NKD1: variants seen among roughly 807,000 people sequenced by gnomAD.
NKD1 encodes NKD inhibitor of Wnt signaling pathway 1.
In NKD1, 21 loss-of-function variants were observed where a neutral mutation model predicts 56.0. The ratio of observed to expected loss-of-function variants is 0.38; its 90% CI spans 0.27 to 0.54. NKD1 has a LOEUF of 0.54. Ranked by LOEUF, NKD1 falls within the 20% of genes least tolerant of loss-of-function variation. NKD1 has a pLI of 0.82. For synonymous variants in NKD1, 263 were observed against 265.7 expected (o/e 0.99, Z 0.10); for missense variants, 578 against 642.7 (o/e 0.90, Z 1.09).
chr16:50,593,386 A>C (rs1019792955), intron 3 of NKD1, among the ~76,000 whole-genome samples: 2 of 152,116 alleles, frequency 1.3e-5, no homozygotes, highest in African/African-American at 4.8e-5. Context: ...CCCCTTTTGC[A>C]TCCCCTCGTG....
intron 3 of NKD1, among the ~76,000 whole-genome samples, chr16:50,601,412 G>A (rs1485405220): frequency 1.3e-5 from 2 of 152,234 alleles, no homozygotes; most frequent in Non-Finnish European, 2.9e-5. Context: ...CCTGCCCCAG[G>A]GTTCACCGAA....
chr16:50,554,126 T>C (rs931577941), intron 3 of NKD1, among the ~76,000 whole-genome samples: 2 of 152,212 alleles, frequency 1.3e-5, no homozygotes, highest in East Asian at 3.8e-4. Context: ...TGGATGCCCC[T>C]GAGCCAGACT....
chr16:50,631,999 C>T (rs893933256), intron 8 of NKD1, among the ~76,000 whole-genome samples: 2 of 152,238 alleles, frequency 1.3e-5, no homozygotes, highest in Non-Finnish European at 2.9e-5. Flanking sequence ...TAACCTCTCA[C>T]GTTTGCTTTG....
Position 50,632,053 on chromosome 16 carries a change from C to T in NKD1, c.696-228C>T, listed in dbSNP as rs753283317. ...CCCCGTCCACTCCTCCCAGAAGCTG[C>T]GGGGAGGTCGGGCTGTGGGCTGTGG... On this transcript the variant is annotated intron_variant, in intron 8 of 9. Coordinates refer to ENST00000268459, the MANE Select transcript of NKD1 (RefSeq NM_033119.5). The surrounding 1 kb of genome is among the most constrained non-coding windows in gnomAD (Gnocchi z 4.1). 6.6e-6 allele frequency among the ~76,000 whole-genome samples: 1 copy of T among 152,336 alleles called. No individual in the cohort carries two copies. Among genetic ancestry groups the T allele is most frequent in the Middle Eastern group, 3.4e-3 (1 of 294 alleles).
intron 3 of NKD1, among the ~76,000 whole-genome samples, chr16:50,593,411 G>T (rs1339984391): frequency 1.3e-5 from 2 of 152,148 alleles, no homozygotes; most frequent in African/African-American, 2.4e-5. Flanking sequence ...TGTTTTCCTG[G>T]GTATTAGCTT....
chr16:50,556,644 A>C (rs1960510077), intron 3 of NKD1: 1 of 152,136 alleles, frequency 6.6e-6, no homozygotes, highest in African/African-American at 2.4e-5. Flanking sequence ...CCTGGGCTTC[A>C]GATTCTCCAG....
chr16:50,563,589 C>T (rs895522061), intron 3 of NKD1, among the ~76,000 whole-genome samples: 17 of 150,966 alleles, frequency 1.1e-4, no homozygotes, highest in African/African-American at 4.1e-4. Flanking sequence ...ACTCCATCCT[C>T]AGTGGGCACA....
At chr16:50,557,601 A>C (rs1960531930) in intron 3 of NKD1, 1 of 152,236 alleles carries the variant, frequency 6.6e-6, no homozygotes, top group Non-Finnish European at 1.5e-5. Flanking sequence ...TGCAGATGGA[A>C]TGCATCATTC....
chr16:50,549,014 C>T (rs1275164665), intron 2 of NKD1: 9 of 769,726 alleles, frequency 1.2e-5, no homozygotes, highest in Non-Finnish European at 1.4e-5. Flanking sequence ...ACGGCACCCT[C>T]TCTTCAGACC....
rs544075549 is a variant in NKD1, at chr16:50,638,303, A to G, written c.*4522A>G. On this transcript the variant is annotated 3_prime_UTR_variant, in exon 10 of 10. Coordinates refer to ENST00000268459, the MANE Select transcript of NKD1 (RefSeq NM_033119.5). ...ACCCACCACCCTCACCTCCTCGTTA[A>G]AGATGGTGCTACCTGCCACACAGCA... 57 of 152,378 alleles carry G rather than the reference A, an allele frequency of 3.7e-4. No homozygotes were observed. The highest frequency in any genetic ancestry group is 1.4e-3 in the African/African-American group (57 of 41,520). 9.4% of individuals were successfully genotyped at this position (152,378 alleles called of 1,614,324 possible).
chr16:50,576,829 C>G (rs1961004701), intron 3 of NKD1, among the ~76,000 whole-genome samples: 1 of 151,164 alleles, frequency 6.6e-6, no homozygotes, highest in Admixed American at 6.6e-5. Flanking sequence ...ACTCTGTCCA[C>G]CCACCCAGTG....
rs1163577817 is a variant in NKD1 at position 50,623,138 on chromosome 16, G to T, written c.366+1430G>T. Reference sequence around the variant, plus strand: ...GGAGGCTGAAGTGCCGGCGTGCTGTGTGGAGAGAGTGAGTGGCGTGATGTG... The same window carrying T: ...GGAGGCTGAAGTGCCGGCGTGCTGTTTGGAGAGAGTGAGTGGCGTGATGTG... On this transcript the variant is annotated intron_variant, in intron 5 of 9. Transcript: ENST00000268459. This position sits in a 1 kb window ranked among gnomAD's most constrained non-coding sequence, Gnocchi z 4.1. Among the ~76,000 whole-genome samples the T allele has an allele frequency of 6.6e-6, 1 of 152,142 alleles. No homozygotes were observed. Among genetic ancestry groups the T allele is most frequent in the Non-Finnish European group, 1.5e-5 (1 of 67,988 alleles).
chr16:50,608,482 G>C, intron 4 of NKD1, 122 bp downstream of exon 4: 2 of 689,708 alleles, frequency 2.9e-6, no homozygotes, highest in Admixed American at 1.8e-5. Flanking sequence ...GGGACCTTGT[G>C]ACTCTGGGTG....
chr16:50,549,656 C>A, intron 3 of NKD1, 101 bp downstream of exon 3: 1 of 1,161,428 alleles, frequency 8.6e-7, no homozygotes, highest in Non-Finnish European at 1.2e-6. Flanking sequence ...TCCTGCACAG[C>A]TTCTGGGTCT....
chr16:50,563,475 G>A (rs987675128), intron 3 of NKD1, among the ~76,000 whole-genome samples: 9 of 150,670 alleles, frequency 6.0e-5, no homozygotes, highest in Non-Finnish European at 1.2e-4. Context: ...TCCTCAGTGG[G>A]CGCAGCCCTG....
At chr16:50,579,247 G>T (rs4785218) in intron 3 of NKD1, among the ~76,000 whole-genome samples, 41,241 of 135,066 alleles carry the variant, frequency 0.31, 5,061 homozygotes, top group Non-Finnish European at 0.4. Context: ...TTACTCCTGC[G>T]GGCTACCCGC....
chr16:50,556,186 A>G (rs1293304084), intron 3 of NKD1: 1 of 152,244 alleles, frequency 6.6e-6, no homozygotes, highest in Non-Finnish European at 1.5e-5. Context: ...TGTGTGAAAG[A>G]TGGCTGAGCT....
intron 3 of NKD1, among the ~76,000 whole-genome samples, chr16:50,585,534 A>G (rs1596721448): frequency 6.6e-6 from 1 of 152,276 alleles, no homozygotes; most frequent in East Asian, 1.9e-4. Flanking sequence ...GATGCCGGGA[A>G]CTGAAAGCTG....
Position 50,625,488 on chromosome 16 carries a change from C to T in NKD1, c.370C>T (p.Leu124Phe). 1 of 1,610,006 alleles carries T rather than the reference C, an allele frequency of 6.2e-7. No individual in the cohort carries two copies. Among genetic ancestry groups the T allele is most frequent in the Non-Finnish European group, 8.5e-7 (1 of 1,176,506 alleles). The change falls in exon 6 of 10, where the codon CTC (leucine) becomes TTC (phenylalanine). Residue 124 changes from leucine to phenylalanine, a missense_variant. Coordinates refer to ENST00000268459, the MANE Select transcript of NKD1 (RefSeq NM_033119.5). ...CCGCCCATCTCTCTGCATCCAGGAG[C>T]TCCAGTGCGACGTGTCCATGGAGGA... ...GSKKQLKFEE[L>F]QCDVSMEEDS...
Sources: gnomAD v4.1 joint callset for allele counts (sites outside exome capture counted in the v4.1 genomes callset) on GRCh38, gnomAD v4.1.1 for gene constraint, Gnocchi (gnomAD v3.1) non-coding constraint, MANE v1.5 for transcripts, NCBI Gene and HGNC (gene_info 2026-07-23, HGNC 2026-07-21) for gene names.